Variants in PDE8A observed in about 807,000 individuals in gnomAD.
PDE8A encodes the protein high affinity cAMP-specific and IBMX-insensitive 3',5'-cyclic phosphodiesterase 8A.
A neutral mutation model predicts 105.0 loss-of-function variants in PDE8A; 59 were observed. The observed-to-expected ratio is 0.56, with a 90% confidence interval of 0.46 to 0.70. The LOEUF is 0.70. Among genes scored for constraint, PDE8A ranks in the 30% least tolerant of loss-of-function variants. The probability of loss-of-function intolerance (pLI) is 0.00; values close to 1 mark genes in which losing one functional copy is unlikely to be tolerated. For synonymous variants in PDE8A, 355 were observed against 371.9 expected (o/e 0.95, Z 0.52); for missense variants, 1,014 against 1,045.9 (o/e 0.97, Z 0.42).
At chr15:85,100,327 T>G in intron 11 of PDE8A, 129 bp downstream of exon 11, 1 of 781,036 alleles carries the variant, frequency 1.3e-6, no homozygotes, top group African/African-American at 1.7e-5. Context: ...ATTTCTCTCC[T>G]TGACTCCCCA....
chr15:85,008,195 A>G (rs1231041221), intron 1 of PDE8A, among the ~76,000 whole-genome samples: 1 of 151,946 alleles, frequency 6.6e-6, no homozygotes, highest in African/African-American at 2.4e-5. Context: ...TGGCCTTTGC[A>G]GAAAGTCCTA....
rs200830973 is a variant in PDE8A, at chr15:85,100,056, G to A, written c.983G>A (p.Gly328Asp). 6 of 1,613,752 alleles carry A rather than the reference G, an allele frequency of 3.7e-6. No individual in the cohort carries two copies. Among genetic ancestry groups the A allele is most frequent in the Non-Finnish European group, 5.1e-6 (6 of 1,179,802 alleles). Residue 328 changes from glycine (G) to aspartate (D), a missense_variant, in exon 10 of 22, where the codon GGC (glycine) becomes GAC (aspartate). Gly to Asp is a moderately conservative substitution (Grantham distance 94, BLOSUM62 -1). Coordinates refer to ENST00000394553, the MANE Select transcript of PDE8A (RefSeq NM_002605.3). Reference protein sequence around the residue: ...HYVSIIRVCNGNNKAEKISEC... With the variant: ...HYVSIIRVCNDNNKAEKISEC... Reference sequence around the variant, plus strand: ...GTGTCCATTATCAGAGTGTGCAATGGCAACAATAAGGTACGTAAGGAGAGC... The same window carrying A: ...GTGTCCATTATCAGAGTGTGCAATGACAACAATAAGGTACGTAAGGAGAGC...
chr15:84,981,435 G>C (rs1007980425), upstream of PDE8A, among the ~76,000 whole-genome samples: 1 of 152,164 alleles, frequency 6.6e-6, no homozygotes, highest in Non-Finnish European at 1.5e-5. Context: ...GCGCGCAGCC[G>C]TTTCTGCGCT....
chr15:85,126,667 A>C (rs1359172424), intron 20 of PDE8A, among the ~76,000 whole-genome samples: 2 of 151,664 alleles, frequency 1.3e-5, no homozygotes, highest in Non-Finnish European at 2.9e-5. Context: ...GAGTAGAAAA[A>C]ACCTCTCTTG....
chr15:85,111,176 C>G (rs1028517438), intron 12 of PDE8A, among the ~76,000 whole-genome samples: 2 of 152,154 alleles, frequency 1.3e-5, no homozygotes, highest in African/African-American at 4.8e-5. Context: ...GCCTTCTCCC[C>G]TCTAAATCAT....
chr15:85,115,139 T>A (rs979414963), intron 14 of PDE8A: 1 of 372,672 alleles, frequency 2.7e-6, no homozygotes, highest in African/African-American at 2.2e-5. Flanking sequence ...AATGCTGGGC[T>A]TAAAGACCAC....
rs1177596246 is a variant in PDE8A, at chr15:84,982,180, C to T, written c.18C>T (p.Ser6=). 1 of 1,481,454 alleles carries T rather than the reference C, an allele frequency of 6.8e-7. No homozygotes were observed. 91.8% of individuals were successfully genotyped at this position (1,481,454 alleles called of 1,614,324 possible). A position where few individuals can be genotyped will look rare whatever the true frequency, so the allele number is the denominator to read the frequency against. The change falls in exon 1 of 22, where the codon AGC becomes AGT. Residue 6 remains serine, a synonymous_variant. Transcript: ENST00000394553. MGCAP[S]IHISERLVAE... is the part of the protein sequence containing the mutation. Reference sequence around the variant, plus strand: ...CCGCCAGCATGGGCTGTGCCCCGAGCATCCACATTTCCGAGCGCCTGGTGG... The same window carrying T: ...CCGCCAGCATGGGCTGTGCCCCGAGTATCCACATTTCCGAGCGCCTGGTGG...
chr15:85,088,952 C>T (rs916265613), intron 6 of PDE8A, among the ~76,000 whole-genome samples: 1 of 152,174 alleles, frequency 6.6e-6, no homozygotes, highest in Non-Finnish European at 1.5e-5. Context: ...TTGCCAGGCT[C>T]TGTGCAGTAT....
chr15:85,005,843 A>AT (rs2080138139), intron 1 of PDE8A, among the ~76,000 whole-genome samples: 1 of 152,074 alleles, frequency 6.6e-6, no homozygotes, highest in Non-Finnish European at 1.5e-5. Context: ...TAAAAAAAAA[A>AT]GGAAATTGGG....
At chr15:85,035,167 C>T (rs1017948191) in intron 1 of PDE8A, among the ~76,000 whole-genome samples, 2 of 145,742 alleles carry the variant, frequency 1.4e-5, no homozygotes, top group Non-Finnish European at 3.0e-5. Flanking sequence ...TTGGGGTCAG[C>T]AGGAGCAGGA....
At chr15:84,981,608 C>T (rs919643369), upstream of PDE8A, among the ~76,000 whole-genome samples, 5 of 152,124 alleles carry the variant, frequency 3.3e-5, no homozygotes, top group African/African-American at 4.8e-5. Flanking sequence ...GGCACTCGGC[C>T]TGGGGGGGCT....
At chr15:85,056,850 A>G (rs376729321) in intron 1 of PDE8A, among the ~76,000 whole-genome samples, 9 of 152,228 alleles carry the variant, frequency 5.9e-5, no homozygotes, top group East Asian at 3.9e-4. Flanking sequence ...GCTTTGTTCC[A>G]TTGCTGGCGA....
intron 1 of PDE8A, among the ~76,000 whole-genome samples, chr15:85,048,906 C>A (rs558002140): frequency 6.6e-6 from 1 of 152,220 alleles, no homozygotes; most frequent in Admixed American, 6.5e-5. Flanking sequence ...TTCGAGACCA[C>A]CCTGGCCAAT....
intron 1 of PDE8A, among the ~76,000 whole-genome samples, chr15:85,053,343 T>A (rs1426613804): frequency 6.6e-6 from 1 of 152,258 alleles, no homozygotes; most frequent in African/African-American, 2.4e-5. Context: ...AGTAGTCTTT[T>A]CCAATTCTGT....
intron 1 of PDE8A, among the ~76,000 whole-genome samples, chr15:84,982,726 A>G (rs1372816285): frequency 6.6e-6 from 1 of 152,190 alleles, no homozygotes; most frequent in Non-Finnish European, 1.5e-5. Flanking sequence ...CGCCCCTGCA[A>G]TGTTAAATCA....
chr15:85,059,029 C>A (rs1172027176), intron 1 of PDE8A, among the ~76,000 whole-genome samples: 1 of 152,024 alleles, frequency 6.6e-6, no homozygotes, highest in Non-Finnish European at 1.5e-5. Flanking sequence ...TATTAATGTT[C>A]CCCTTAGCCT....
chr15:85,084,335 G>A (rs1479753393), intron 6 of PDE8A, among the ~76,000 whole-genome samples: 2 of 152,160 alleles, frequency 1.3e-5, no homozygotes, highest in Non-Finnish European at 2.9e-5. Flanking sequence ...AGGGTTCCAC[G>A]TGTAGGGAAG....
intron 15 of PDE8A, chr15:85,115,688 G>A (rs150137484): frequency 3.7e-5 from 20 of 541,476 alleles, no homozygotes; most frequent in African/African-American, 2.9e-4. Flanking sequence ...TCACACCGCC[G>A]AGATGGGCAG....
chr15:84,985,685 CAGGCCTGATGCACAGT>C (rs1210070770), intron 1 of PDE8A, among the ~76,000 whole-genome samples: 4 of 152,188 alleles, frequency 2.6e-5, no homozygotes, highest in South Asian at 4.1e-4. Flanking sequence ...CTGTATCCCC[CAGGCCTGATGCACAGT>C]AGGCCTTCCG....
Sources: gnomAD v4.1 joint callset for allele counts (sites outside exome capture counted in the v4.1 genomes callset) on GRCh38, gnomAD v4.1.1 for gene constraint, MANE v1.5 for transcripts, NCBI Gene and HGNC (gene_info 2026-07-23, HGNC 2026-07-21) for gene names.